The following TNFSF4 variants were observed in gnomAD, a reference collection of about 807,000 sequenced individuals.
The protein encoded by TNFSF4 is TNF superfamily member 4, also known as tumor necrosis factor ligand superfamily member 4.
Under a neutral mutation model 7.3 loss-of-function variants are expected in TNFSF4, and 4 were observed. The observed-to-expected ratio is 0.55, with a 90% CI of 0.27 to 1.25. The LOEUF is 1.25. Among genes scored for constraint, TNFSF4 ranks in the 50% most tolerant of loss-of-function variants. The pLI is 0.12. For missense variants in TNFSF4, 181 were observed against 208.8 expected, an observed-to-expected ratio of 0.87 and a Z score of 0.82; for synonymous variants, 76 against 83.7, an observed-to-expected ratio of 0.91 and a Z score of 0.50.
the TNFSF4 span, among the ~76,000 whole-genome samples, chr1:173,241,957 T>A: frequency 6.6e-6 from 1 of 152,030 alleles, no homozygotes; most frequent in South Asian, 2.1e-4. Context: ...CTGACAAGAG[T>A]AGGGGAACTT....
the TNFSF4 span, among the ~76,000 whole-genome samples, chr1:173,407,036 G>A: frequency 1.4e-3 from 206 of 152,210 alleles, no homozygotes; most frequent in Non-Finnish European, 2.1e-3. Flanking sequence ...GGATGAGAAG[G>A]GTGACTGCCT....
At chr1:173,205,502 G>A in intron 1 of TNFSF4, 2 of 1,428,360 alleles carry the variant, frequency 1.4e-6, no homozygotes, top group South Asian at 3.1e-5. Flanking sequence ...GCTCTCTCCT[G>A]CTCAGAGCCG....
the TNFSF4 span, among the ~76,000 whole-genome samples, chr1:173,424,792 T>C: frequency 1.3e-5 from 2 of 152,212 alleles, no homozygotes; most frequent in African/African-American, 2.4e-5. Context: ...ATATGAAACT[T>C]TGAATTCCTA....
chr1:173,270,177 G>C, the TNFSF4 span, among the ~76,000 whole-genome samples: 1 of 152,148 alleles, frequency 6.6e-6, no homozygotes, highest in Non-Finnish European at 1.5e-5. Context: ...GAGAGGAGCA[G>C]ATTTGGGGGA....
chr1:173,384,538 G>A, the TNFSF4 span, among the ~76,000 whole-genome samples: 6 of 151,904 alleles, frequency 3.9e-5, no homozygotes, highest in Non-Finnish European at 5.9e-5. Context: ...CTCCCCCACC[G>A]CATGATTCTC....
the TNFSF4 span, among the ~76,000 whole-genome samples, chr1:173,398,708 G>A: frequency 6.6e-6 from 1 of 152,110 alleles, no homozygotes; most frequent in Non-Finnish European, 1.5e-5. Context: ...TTACAGGCAT[G>A]AGCCACCGTG....
the TNFSF4 span, among the ~76,000 whole-genome samples, chr1:173,312,514 A>G: frequency 6.6e-6 from 1 of 152,104 alleles, no homozygotes; most frequent in East Asian, 1.9e-4. Context: ...ATCCTAAACC[A>G]AGAGAGAAAA....
the TNFSF4 span, among the ~76,000 whole-genome samples, chr1:173,443,376 C>T: frequency 6.6e-6 from 1 of 152,176 alleles, no homozygotes; most frequent in South Asian, 2.1e-4. Flanking sequence ...AATTTTGATA[C>T]TCACATACAT....
the TNFSF4 span, among the ~76,000 whole-genome samples, chr1:173,313,763 AC>A: frequency 6.6e-5 from 10 of 152,090 alleles, no homozygotes; most frequent in African/African-American, 2.2e-4. Flanking sequence ...TATATTACAC[AC>A]ACTTTTATAA....
At chr1:173,447,588 A>T in the TNFSF4 span, among the ~76,000 whole-genome samples, 3 of 152,164 alleles carry the variant, frequency 2.0e-5, no homozygotes, top group Non-Finnish European at 2.9e-5. Context: ...TTAAAGAATG[A>T]AATGGAAATT....
rs749967296 is a variant in TNFSF4 at position 173,200,234 on chromosome 1, C to T, written c.153+6790G>A. Among the ~76,000 whole-genome samples the T allele has an allele frequency of 2.8e-4, 43 of 152,210 alleles. 1 individual carries two copies. The highest frequency in any genetic ancestry group is 7.2e-4 in the Admixed American group (11 of 15,288). ...GATAGGACTGGAATTTAGACTGAGT[C>T]TTAATTTCTAACCCTGACCTTTCTG... On this transcript the variant is annotated intron_variant, in intron 1 of 2. Transcript: ENST00000281834.
the TNFSF4 span, among the ~76,000 whole-genome samples, chr1:173,429,209 TA>T: frequency 9.9e-5 from 15 of 151,046 alleles, no homozygotes; most frequent in South Asian, 4.2e-4. Flanking sequence ...AACATTTCTT[TA>T]AAAAAAAAGA....
Position 173,186,362 on chromosome 1 carries a change from G to C in TNFSF4, c.*154C>G. On this transcript the variant is annotated 3_prime_UTR_variant, in exon 3 of 3. Transcript: ENST00000281834. ...TAAAATAAGTTTTAAATATCCCTGAGGGGTGGGGGCGGGAGGGCCAGGATC... is the reference window on the plus strand; with the variant it reads ...TAAAATAAGTTTTAAATATCCCTGACGGGTGGGGGCGGGAGGGCCAGGATC... The C allele has an allele frequency of 1.7e-6, 1 of 600,178 alleles. No individual in the cohort carries two copies. 37.2% of individuals were successfully genotyped at this position (600,178 alleles called of 1,614,324 possible). A position where few individuals can be genotyped will look rare whatever the true frequency, so the allele number is the denominator to read the frequency against.
chr1:173,195,209 A>G (rs1649649700), intron 1 of TNFSF4, among the ~76,000 whole-genome samples: 2 of 152,228 alleles, frequency 1.3e-5, no homozygotes, highest in Admixed American at 1.3e-4. Context: ...AATTGTTTTC[A>G]TCATCAATAC....
chr1:173,337,961 T>C, the TNFSF4 span, among the ~76,000 whole-genome samples: 11 of 152,264 alleles, frequency 7.2e-5, no homozygotes, highest in Admixed American at 3.9e-4. Flanking sequence ...CTGTGGGTAA[T>C]AGTCAGTCTC....
the TNFSF4 span, among the ~76,000 whole-genome samples, chr1:173,256,968 G>A: frequency 6.6e-6 from 1 of 152,240 alleles, no homozygotes; most frequent in African/African-American, 2.4e-5. Context: ...AGATTTGGGT[G>A]GATAAGCAAA....
At chr1:173,271,784 G>C in the TNFSF4 span, among the ~76,000 whole-genome samples, 1 of 152,162 alleles carries the variant, frequency 6.6e-6, no homozygotes. Flanking sequence ...GTGGAAGACA[G>C]TGTGGCGATT....
chr1:173,226,153 A>C, the TNFSF4 span, among the ~76,000 whole-genome samples: 1 of 152,184 alleles, frequency 6.6e-6, no homozygotes, highest in Non-Finnish European at 1.5e-5. Context: ...CTATGATCAC[A>C]CAATAATTTT....
the TNFSF4 span, among the ~76,000 whole-genome samples, chr1:173,303,687 A>T: frequency 1.3e-5 from 2 of 151,928 alleles, no homozygotes; most frequent in African/African-American, 4.8e-5. Flanking sequence ...CTCCTCTCAT[A>T]AACCTTTCCC....
Sources: gnomAD v4.1 joint callset for allele counts (sites outside exome capture counted in the v4.1 genomes callset) on GRCh38, gnomAD v4.1.1 for gene constraint, MANE v1.5 for transcripts, NCBI Gene and HGNC (gene_info 2026-07-23, HGNC 2026-07-21) for gene names.